The following TRPM3 variants were observed in gnomAD, a reference collection of about 807,000 sequenced individuals.
TRPM3 encodes transient receptor potential cation channel subfamily M member 3.
A neutral mutation model predicts 181.2 loss-of-function variants in TRPM3; 77 were observed. The ratio of observed to expected loss-of-function variants is 0.42; its 90% CI spans 0.35 to 0.51. TRPM3 has a LOEUF of 0.51. TRPM3 is among the 20% of genes least tolerant of loss of function. TRPM3 has a pLI of 0.01. For missense variants in TRPM3, 1,759 were observed against 2,196.7 expected (o/e 0.80, Z 3.98); for synonymous variants, 745 against 796.4 (o/e 0.94, Z 1.09).
chr9:70,860,726 G>A (rs891220802), intron 3 of TRPM3, among the ~76,000 whole-genome samples: 5 of 152,096 alleles, frequency 3.3e-5, no homozygotes, highest in African/African-American at 7.2e-5. Context: ...AGTGTCTTTC[G>A]AAGTATTTAG....
chr9:71,027,997 C>T (rs952668005), intron 1 of TRPM3, among the ~76,000 whole-genome samples: 1 of 152,056 alleles, frequency 6.6e-6, no homozygotes, highest in Non-Finnish European at 1.5e-5. Context: ...AGAGGATCAT[C>T]CCCAAGACAT....
chr9:70,748,355 C>A (rs2075548485), intron 8 of TRPM3, among the ~76,000 whole-genome samples: 1 of 152,062 alleles, frequency 6.6e-6, no homozygotes, highest in African/African-American at 2.4e-5. Flanking sequence ...AGTGACCTAG[C>A]CCTTAAGTTT....
intron 1 of TRPM3, among the ~76,000 whole-genome samples, chr9:71,005,380 T>C (rs1386238147): frequency 6.6e-6 from 1 of 151,768 alleles, no homozygotes; most frequent in Non-Finnish European, 1.5e-5. Flanking sequence ...TACTCTAGCC[T>C]GGGCAACTAG....
intron 1 of TRPM3, among the ~76,000 whole-genome samples, chr9:71,443,981 C>G (rs910117205): frequency 3.3e-5 from 5 of 152,008 alleles, no homozygotes; most frequent in Admixed American, 6.6e-5. Flanking sequence ...GAGATCGAGA[C>G]CATCCTGGCC....
At chr9:71,419,796 C>T (rs1231445456) in intron 1 of TRPM3, among the ~76,000 whole-genome samples, 1 of 151,836 alleles carries the variant, frequency 6.6e-6, no homozygotes, top group South Asian at 2.1e-4. Context: ...CATAAATCAT[C>T]TCAATTTGGC....
chr9:70,699,428 G>T (rs553415289), intron 8 of TRPM3, among the ~76,000 whole-genome samples: 18 of 152,272 alleles, frequency 1.2e-4, no homozygotes, highest in African/African-American at 4.3e-4. Context: ...AAATCAGAGT[G>T]TGCAAATAGT....
At chr9:71,105,698 G>T (rs181679065) in intron 1 of TRPM3, among the ~76,000 whole-genome samples, 1 of 152,240 alleles carries the variant, frequency 6.6e-6, no homozygotes, top group South Asian at 2.1e-4. Flanking sequence ...GCTAAACCTT[G>T]CTATCTCTAA....
chr9:71,371,239 G>A (rs1397190348), intron 1 of TRPM3, among the ~76,000 whole-genome samples: 1 of 152,098 alleles, frequency 6.6e-6, no homozygotes, highest in East Asian at 1.9e-4. Flanking sequence ...TCTTATTATT[G>A]AAGGAATACA....
In TRPM3 at chr9:71,032,099, T is replaced by G. The variant is rs1481490913; in HGVS notation, c.177+89079A>C. On this transcript the variant is annotated intron_variant, in intron 1 of 25. Transcript: ENST00000677713. Reference sequence around the variant, plus strand: ...ATATTATATATATATAATTATATAATATTATATATATTATATTATATATAT... The same window carrying G: ...ATATTATATATATATAATTATATAAGATTATATATATTATATTATATATAT... 5.3e-5 allele frequency among the ~76,000 whole-genome samples: 5 copies of G among 93,618 alleles called. 1 individual carries two copies. In the East Asian group the frequency reaches 1.3e-3, roughly 24 times the overall value. The allele number at this position is 93,618 out of a possible 152,430, so 61.4% of individuals were successfully genotyped here.
intron 1 of TRPM3, among the ~76,000 whole-genome samples, chr9:71,030,502 T>A (rs2057150929): frequency 6.6e-6 from 1 of 151,616 alleles, no homozygotes; most frequent in South Asian, 2.1e-4. Flanking sequence ...GAGGCAGAGG[T>A]TGCAGTGAGC....
intron 1 of TRPM3, among the ~76,000 whole-genome samples, chr9:71,293,377 A>G (rs893211995): frequency 3.3e-5 from 5 of 151,920 alleles, no homozygotes; most frequent in Non-Finnish European, 7.4e-5. Context: ...TTTTATGCAT[A>G]GAAAACTTAA....
chr9:70,681,491 C>T lies in TRPM3; in HGVS notation c.1345+15G>A. On this transcript the variant is annotated intron_variant, in intron 9 of 25. Transcript: ENST00000677713. ...TTAAATTATTTTCACACTCTCTGGACACAGACTCTTTTACCTTTGAGTAAA... is the reference window on the plus strand; with the variant it reads ...TTAAATTATTTTCACACTCTCTGGATACAGACTCTTTTACCTTTGAGTAAA... The T allele has an allele frequency of 6.2e-7, 1 of 1,610,886 alleles. No homozygotes were observed. The highest frequency in any genetic ancestry group is 8.5e-7 in the Non-Finnish European group (1 of 1,177,288).
rs930671648 is a variant in TRPM3 at position 70,537,419 on chromosome 9, A to G, written c.3708-14T>C. On this transcript the variant is annotated splice_polypyrimidine_tract_variant and intron_variant, in intron 25 of 25. Coordinates refer to ENST00000677713, the MANE Select transcript of TRPM3 (RefSeq NM_001366145.2). Reference sequence around the variant, plus strand: ...ATGTTCTCCACCCTGCGCGAGGAAGAGAGAATGAGAGTCACTCGGCCTGGT... The same window carrying G: ...ATGTTCTCCACCCTGCGCGAGGAAGGGAGAATGAGAGTCACTCGGCCTGGT... 7.0e-7 allele frequency: 1 copy of G among 1,432,180 alleles called. No homozygotes were observed. Among genetic ancestry groups the G allele is most frequent in the African/African-American group, 1.4e-5 (1 of 70,400 alleles). 88.7% of individuals were successfully genotyped at this position (1,432,180 alleles called of 1,614,324 possible).
chr9:71,303,098 G>A (rs1030173611), intron 1 of TRPM3, among the ~76,000 whole-genome samples: 21 of 152,078 alleles, frequency 1.4e-4, no homozygotes, highest in African/African-American at 5.1e-4. Context: ...GGAACCCAGA[G>A]GACTTCCTGG....
chr9:70,923,843 TAC>T (rs1319803452), intron 1 of TRPM3, among the ~76,000 whole-genome samples: 28 of 121,776 alleles, frequency 2.3e-4, no homozygotes, highest in African/African-American at 6.3e-4. Context: ...TATATATATA[TAC>T]ACACACACAC....
chr9:70,871,934 C>T (rs538166670), intron 1 of TRPM3, among the ~76,000 whole-genome samples: 13 of 152,050 alleles, frequency 8.5e-5, no homozygotes, highest in Admixed American at 2.6e-4. Context: ...TACACAACTC[C>T]GTTTTGAAAA....
intron 1 of TRPM3, among the ~76,000 whole-genome samples, chr9:71,407,014 T>A (rs929739366): frequency 6.6e-6 from 1 of 152,202 alleles, no homozygotes; most frequent in Admixed American, 6.5e-5. Context: ...GGATGGGGAA[T>A]GTGGCTTAAA....
rs116259929 is a variant in TRPM3 at position 70,972,079 on chromosome 9, C to T, written c.178-107568G>A. 4.4e-3 allele frequency among the ~76,000 whole-genome samples: 676 copies of T among 152,204 alleles called. 5 individuals are homozygous for T. The highest frequency in any genetic ancestry group is 0.016 in the African/African-American group (647 of 41,522). Reference sequence around the variant, plus strand: ...GTTATATGACCTGGCAATTCTTTTCCGAGGCATATATCTAAAAGAACTGAA... The same window carrying T: ...GTTATATGACCTGGCAATTCTTTTCTGAGGCATATATCTAAAAGAACTGAA... On this transcript the variant is annotated intron_variant, in intron 1 of 25. Coordinates refer to ENST00000677713, the MANE Select transcript of TRPM3 (RefSeq NM_001366145.2).
chr9:71,305,105 C>T (rs543662134), intron 1 of TRPM3, among the ~76,000 whole-genome samples: 1 of 152,154 alleles, frequency 6.6e-6, no homozygotes, highest in Non-Finnish European at 1.5e-5. Context: ...ACATACACAG[C>T]TGGTAATAGG....
Sources: allele counts gnomAD v4.1 joint callset (sites outside exome capture counted in the v4.1 genomes callset), GRCh38; gene constraint gnomAD v4.1.1; transcripts MANE v1.5; gene names NCBI Gene and HGNC (gene_info 2026-07-23, HGNC 2026-07-21).